F8: variants seen among roughly 807,000 people sequenced by gnomAD.
The protein encoded by F8 is coagulation factor VIII.
Under a neutral mutation model 140.6 loss-of-function variants are expected in F8, and 12 were observed. The observed-to-expected ratio is 0.09, with a 90% CI of 0.05 to 0.14. The LOEUF is 0.14. F8 is among the 10% of genes least tolerant of loss of function. The pLI is 1.00. For synonymous variants in F8, 585 were observed against 614.6 expected, an observed-to-expected ratio of 0.95 and a Z score of 0.71; for missense variants, 1,354 against 1,720.7, an observed-to-expected ratio of 0.79 and a Z score of 3.77.
intron 13 of F8, among the ~76,000 whole-genome samples, chrX:154,936,390 G>T (rs1377016272): frequency 1.8e-5 from 2 of 111,731 alleles, no homozygotes. Flanking sequence ...AAAAGAATGG[G>T]AAATATATAC....
At chrX:154,935,549 T>C (rs1264205278) in intron 13 of F8, among the ~76,000 whole-genome samples, 2 of 112,021 alleles carry the variant, frequency 1.8e-5, no homozygotes, top group African/African-American at 6.5e-5. Flanking sequence ...AACTAGATCA[T>C]AGACATATAT....
At chrX:154,966,863 A>G (rs782637330) in intron 7 of F8, among the ~76,000 whole-genome samples, 176 bp from the exon 8 acceptor site, 10 of 109,178 alleles carry the variant, frequency 9.2e-5, no homozygotes, top group Non-Finnish European at 1.7e-4. Context: ...GGAAGCTTAC[A>G]ATCATGGGGG....
intron 14 of F8, among the ~76,000 whole-genome samples, chrX:154,921,015 C>T (rs1376926836): frequency 8.9e-6 from 1 of 111,928 alleles, no homozygotes; most frequent in African/African-American, 3.2e-5. Context: ...AGAACTCCTA[C>T]TAGCATTTCT....
chrX:154,997,438 TTATAAA>T (rs1557285206), intron 2 of F8, among the ~76,000 whole-genome samples: 1 of 112,165 alleles, frequency 8.9e-6, no homozygotes, highest in Non-Finnish European at 1.9e-5. Flanking sequence ...TTTCAAGTTG[TTATAAA>T]TATAAAAGAT....
rs1168345329 is a variant in F8 at position 154,973,882 on chromosome X, C to T, written c.788-4330G>A. On this transcript the variant is annotated intron_variant, in intron 6 of 25. Coordinates refer to ENST00000360256, the MANE Select transcript of F8 (RefSeq NM_000132.4). Reference sequence around the variant, plus strand: ...TGCGATCTTGGCTCACCACAAGCTCCGCCTCTGGGGTTCTAGTGATTCTCC... The same window carrying T: ...TGCGATCTTGGCTCACCACAAGCTCTGCCTCTGGGGTTCTAGTGATTCTCC... Among the ~76,000 whole-genome samples the T allele has an allele frequency of 6.3e-5, 7 of 111,543 alleles. 1 individual carries two copies. Among genetic ancestry groups the T allele is most frequent in the African/African-American group, 1.6e-4 (5 of 30,619 alleles).
rs959153290 is a variant in F8 at position 154,873,738 on chromosome X, G to A, written c.6430-10511C>T. 1.6e-4 allele frequency among the ~76,000 whole-genome samples: 18 copies of A among 111,756 alleles called. 1 individual carries two copies. The highest frequency in any genetic ancestry group is 1.0e-3 in the Admixed American group (11 of 10,531). On this transcript the variant is annotated intron_variant, in intron 22 of 25. Transcript: ENST00000360256. ...GACAAGGGTGCCAAGAACACACAAC[G>A]GGGAAAAGAGAGTCTCTTCAATAAA...
intron 25 of F8, among the ~76,000 whole-genome samples, chrX:154,845,225 T>C (rs12841763): frequency 0.067 from 7,539 of 111,792 alleles, 620 homozygotes; most frequent in African/African-American, 0.23. Flanking sequence ...TGCATCAATG[T>C]TCATCAGGGA....
At chrX:154,893,778 G>GT (rs1422356622) in intron 22 of F8, among the ~76,000 whole-genome samples, 2 of 111,475 alleles carry the variant, frequency 1.8e-5, no homozygotes, top group Admixed American at 9.5e-5. Context: ...CCCAAAACAT[G>GT]TTTTTTTGCC....
At chrX:155,014,147 C>G (rs2073723069) in intron 1 of F8, among the ~76,000 whole-genome samples, 1 of 111,464 alleles carries the variant, frequency 9.0e-6, no homozygotes, top group Non-Finnish European at 1.9e-5. Context: ...AAAAATCAAT[C>G]AAGGTAATTC....
chrX:154,953,902 G>A lies in F8; in HGVS notation c.1893C>T (p.Asn631=), dbSNP rs1569559789. 8.3e-7 allele frequency: 1 copy of A among 1,211,894 alleles called. No homozygotes were observed. Among genetic ancestry groups the A allele is most frequent in the African/African-American group, 1.7e-5 (1 of 57,839 alleles). The change falls in exon 12 of 26, where the codon AAC becomes AAT. Residue 631 remains asparagine, a synonymous_variant. Coordinates refer to ENST00000360256, the MANE Select transcript of F8 (RefSeq NM_000132.4). The part of the protein sequence containing the change: ...QLEDPEFQAS[N]IMHSINGYVF... ...TGCTGCTTTACTCACTGTGCATGAT[G>A]TTGGAGGCTTGGAACTCTGGATCCT...
At position 154,930,876 on chromosome X, in the gene F8, T is replaced by C. The variant is rs782579816; in HGVS notation, c.2914A>G (p.Met972Val). ...NDSKLLESGL[M>V]NSQESSWGKN... ...CCCCATGAACTTTCTTGGCTATTCA[T>C]TAAACCTGATTCTAACAACTTTGAA... Residue 972 changes from methionine to valine, a missense_variant, in exon 14 of 26, where the codon ATG (methionine) becomes GTG (valine). Around this residue, in one of 4 missense-constraint regions of F8, gnomAD observed 658 missense variants for 666.5 expected, o/e 0.99. Coordinates refer to ENST00000360256, the MANE Select transcript of F8 (RefSeq NM_000132.4). The C allele has an allele frequency of 8.3e-7, 1 of 1,205,584 alleles. No individual in the cohort carries two copies. The highest frequency in any genetic ancestry group is 1.1e-6 in the Non-Finnish European group (1 of 892,742).
chrX:154,837,801 C>T (rs782053499), intron 25 of F8, 49 bp from the exon 26 acceptor site: 2 of 1,123,715 alleles, frequency 1.8e-6, no homozygotes, highest in Admixed American at 2.2e-5. Flanking sequence ...GGACAATGGT[C>T]ACTGCAAAGC....
At position 154,929,101 on chromosome X, in the gene F8, A is replaced by C. The variant is rs1557278370; in HGVS notation, c.4689T>G (p.Val1563=). 5.0e-6 allele frequency: 6 copies of C among 1,211,403 alleles called. No homozygotes were observed. In the South Asian group the frequency reaches 1.1e-4, roughly 21 times the overall value. ...KWNEANRPGK[V]PFLRVATESS... The stretch of plus-strand genomic sequence containing the variant: ...TTTCTGTTGCTACTCTCAGAAAGGG[A>C]ACTTTTCCAGGTCTGTTTGCTTCAT... Residue 1563 remains valine, a synonymous_variant, in exon 14 of 26, where the codon GTT becomes GTG. Transcript: ENST00000360256.
At chrX:154,863,291 A>C (rs1557272992) in intron 22 of F8, 64 bp from the exon 23 acceptor site, 6 of 1,032,093 alleles carry the variant, frequency 5.8e-6, no homozygotes, top group Non-Finnish European at 8.2e-6. Context: ...AATTTCTGTC[A>C]ATCATATCTT....
chrX:154,888,408 C>CTTTTTTTTTTTTTTTTT (rs1557274896), intron 22 of F8, among the ~76,000 whole-genome samples: 39 of 53,343 alleles, frequency 7.3e-4, no homozygotes, highest in Admixed American at 1.0e-3. Flanking sequence ...TTTTTTTTTC[C>CTTTTTTTTTTTTTTTTT]CCCCGAGATG....
intron 25 of F8, among the ~76,000 whole-genome samples, chrX:154,845,820 C>G (rs1263550370): frequency 9.0e-6 from 1 of 111,638 alleles, no homozygotes; most frequent in Non-Finnish European, 1.9e-5. Context: ...TTAGTTATTT[C>G]TTGCCTTCTG....
At chrX:154,879,689 CCAAATCT>C (rs2072844778) in intron 22 of F8, among the ~76,000 whole-genome samples, 1 of 111,703 alleles carries the variant, frequency 9.0e-6, no homozygotes, top group African/African-American at 3.3e-5. Flanking sequence ...GTATCCCCAC[CCAAATCT>C]CACATCGAAT....
rs973867690 is a variant in F8, at chrX:154,877,885, G to C, written c.6430-14658C>G. Among the ~76,000 whole-genome samples the C allele has an allele frequency of 4.8e-4, 54 of 111,901 alleles. 1 individual carries two copies. Among genetic ancestry groups the C allele is most frequent in the African/African-American group, 1.7e-3 (53 of 30,738 alleles). On this transcript the variant is annotated intron_variant, in intron 22 of 25. Transcript: ENST00000360256. ...ATCTTTGTGCCTTGATTAGAAACCT[G>C]CTTGGGGAGACAATTTATTAATTCA...
intron 1 of F8, among the ~76,000 whole-genome samples, chrX:155,014,029 G>A (rs1174357719): frequency 9.0e-6 from 1 of 111,127 alleles, no homozygotes; most frequent in Non-Finnish European, 1.9e-5. Flanking sequence ...ATGAATTTGG[G>A]GTGGGGGGAG....
Sources: gnomAD v4.1 joint callset for allele counts (sites outside exome capture counted in the v4.1 genomes callset) on GRCh38, gnomAD v4.1.1 for gene constraint, gnomAD v4.1.1 regional missense constraint, MANE v1.5 for transcripts, NCBI Gene and HGNC (gene_info 2026-07-23, HGNC 2026-07-21) for gene names.